Variants in GRID1 observed in about 807,000 individuals in gnomAD.
GRID1 encodes glutamate ionotropic receptor delta type subunit 1.
In GRID1, 28 loss-of-function variants were observed where a neutral mutation model predicts 98.0. That is an observed-to-expected ratio of 0.29 (90% CI 0.21 to 0.39). The LOEUF is 0.39. GRID1 is among the 10% of genes least tolerant of loss of function. GRID1 has a pLI of 1.00. For synonymous variants in GRID1, 553 were observed against 538.5 expected (o/e 1.03, Z -0.37); for missense variants, 1,111 against 1,340.5 (o/e 0.83, Z 2.67).
intron 4 of GRID1, among the ~76,000 whole-genome samples, chr10:86,007,975 A>T (rs75370803): frequency 0.02 from 3,016 of 152,274 alleles, 49 homozygotes; most frequent in Middle Eastern, 0.078. Context: ...GCTGGTGAAT[A>T]CAGAATTCTG....
At chr10:86,111,082 C>T (rs1844474453) in intron 4 of GRID1, among the ~76,000 whole-genome samples, 1 of 152,228 alleles carries the variant, frequency 6.6e-6, no homozygotes, top group Admixed American at 6.5e-5. Flanking sequence ...GTTTGTAGCT[C>T]AGCTCAGTGG....
chr10:85,918,537 G>T (rs928776798), intron 4 of GRID1, among the ~76,000 whole-genome samples: 5 of 152,326 alleles, frequency 3.3e-5, no homozygotes, highest in Non-Finnish European at 7.3e-5. Flanking sequence ...GAAGGACAAT[G>T]CACACTATAG....
intron 15 of GRID1, among the ~76,000 whole-genome samples, chr10:85,612,425 A>C (rs1010158881): frequency 2.6e-5 from 4 of 152,216 alleles, no homozygotes; most frequent in Non-Finnish European, 4.4e-5. Context: ...GCCCTGTACT[A>C]TCTGAGCCTC....
intron 8 of GRID1, among the ~76,000 whole-genome samples, chr10:85,847,307 A>G (rs1843015649): frequency 1.3e-5 from 2 of 152,224 alleles, no homozygotes; most frequent in Admixed American, 1.3e-4. Context: ...AAGTTGAGAT[A>G]TGAAAAAGAC....
intron 4 of GRID1, among the ~76,000 whole-genome samples, chr10:85,986,561 A>G (rs993182984): frequency 6.6e-6 from 1 of 152,134 alleles, no homozygotes; most frequent in African/African-American, 2.4e-5. Flanking sequence ...CCCAACTGCA[A>G]CCTGCCTCTC....
intron 4 of GRID1, among the ~76,000 whole-genome samples, chr10:85,922,476 C>T (rs1841718898): frequency 6.6e-6 from 1 of 152,192 alleles, no homozygotes; most frequent in South Asian, 2.1e-4. Context: ...ATCCCCCCAA[C>T]ACTGGGAGCC....
intron 4 of GRID1, among the ~76,000 whole-genome samples, chr10:85,944,265 G>C (rs1842028808): frequency 6.6e-6 from 1 of 152,220 alleles, no homozygotes; most frequent in East Asian, 1.9e-4. Flanking sequence ...TAAGGTTTGG[G>C]GTGATTTGTT....
intron 3 of GRID1, among the ~76,000 whole-genome samples, chr10:86,171,279 T>C (rs1308620311): frequency 1.3e-5 from 2 of 152,180 alleles, no homozygotes; most frequent in Non-Finnish European, 2.9e-5. Context: ...CCTGGGGCAA[T>C]AGAAGCGTTT....
chr10:85,924,048 A>T (rs768569568), intron 4 of GRID1, among the ~76,000 whole-genome samples: 1 of 152,166 alleles, frequency 6.6e-6, no homozygotes, highest in African/African-American at 2.4e-5. Context: ...TCTAATTACC[A>T]CGAAGCCACT....
intron 8 of GRID1, among the ~76,000 whole-genome samples, chr10:85,839,622 A>T (rs1226301040): frequency 6.6e-6 from 1 of 152,204 alleles, no homozygotes; most frequent in East Asian, 1.9e-4. Flanking sequence ...TAACTAAGGC[A>T]GTGTTAACGT....
chr10:86,344,075 G>T (rs1438769017), intron 2 of GRID1, among the ~76,000 whole-genome samples: 1 of 152,232 alleles, frequency 6.6e-6, no homozygotes, highest in African/African-American at 2.4e-5. Flanking sequence ...CCAGTGCCTG[G>T]GCCCTTGCCC....
intron 4 of GRID1, among the ~76,000 whole-genome samples, chr10:86,040,589 G>A (rs1843331709): frequency 6.6e-6 from 1 of 151,808 alleles, no homozygotes; most frequent in Non-Finnish European, 1.5e-5. Flanking sequence ...GGAGAAAAGG[G>A]CAAGGGGGAA....
chr10:85,804,786 T>C (rs1197553592), intron 8 of GRID1, among the ~76,000 whole-genome samples: 1 of 151,830 alleles, frequency 6.6e-6, no homozygotes, highest in Non-Finnish European at 1.5e-5. Context: ...TTATGGTAAA[T>C]GCCTCAGCAA....
chr10:86,135,464 C>T (rs1358679768), intron 4 of GRID1, among the ~76,000 whole-genome samples: 2 of 151,814 alleles, frequency 1.3e-5, no homozygotes, highest in African/African-American at 4.8e-5. Context: ...CTATCACCCT[C>T]AGCCCCATCC....
chr10:85,763,561 C>T (rs1050966097), intron 8 of GRID1, among the ~76,000 whole-genome samples: 1 of 152,238 alleles, frequency 6.6e-6, no homozygotes, highest in Non-Finnish European at 1.5e-5. Flanking sequence ...CTTCAAGTGA[C>T]AAAACATGAC....
rs536151725 is a variant in GRID1, at chr10:85,906,913, G to A, written c.780+9273C>T. Among the ~76,000 whole-genome samples, 8 of 152,154 alleles carry A rather than the reference G, an allele frequency of 5.3e-5. No individual in the cohort carries two copies. The South Asian group carries it at 1.5e-3, about 28-fold the overall frequency. ...TATAAATGGAAATTGAAAAACAATA[G>A]AGAAAATCAATGAAATTGAAAACTG... On this transcript the variant is annotated intron_variant, in intron 5 of 15. Transcript: ENST00000327946.
chr10:85,893,735 T>C (rs1841239195), intron 5 of GRID1, among the ~76,000 whole-genome samples: 1 of 152,180 alleles, frequency 6.6e-6, no homozygotes, highest in Non-Finnish European at 1.5e-5. Context: ...AAGACCTAAA[T>C]AAATGAAAAG....
rs1265118489 is a variant in GRID1, at chr10:86,365,860, C to T, written c.79+454G>A. Among the ~76,000 whole-genome samples, 3 of 152,242 alleles carry T rather than the reference C, an allele frequency of 2.0e-5. No homozygotes were observed. Among genetic ancestry groups the T allele is most frequent in the African/African-American group, 7.2e-5 (3 of 41,540 alleles). On this transcript the variant is annotated intron_variant, in intron 1 of 15. Transcript: ENST00000327946. The surrounding 1 kb of genome is among the most constrained non-coding windows in gnomAD (Gnocchi z 4.8). Reference sequence around the variant, plus strand: ...TGCCAGGCGCACACAGCGACACACGCTGACAACACGCACCCACACACATTC... The same window carrying T: ...TGCCAGGCGCACACAGCGACACACGTTGACAACACGCACCCACACACATTC...
chr10:85,640,556 C>T (rs746216236), intron 13 of GRID1, among the ~76,000 whole-genome samples: 7 of 152,204 alleles, frequency 4.6e-5, no homozygotes, highest in Non-Finnish European at 7.3e-5. Flanking sequence ...TGCCATGGAA[C>T]CAGGAGCTGC....
Sources: allele counts gnomAD v4.1 joint callset (sites outside exome capture counted in the v4.1 genomes callset), GRCh38; gene constraint gnomAD v4.1.1; non-coding constraint Gnocchi (gnomAD v3.1); transcripts MANE v1.5; gene names NCBI Gene and HGNC (gene_info 2026-07-23, HGNC 2026-07-21).